DUSP29: variants seen among roughly 807,000 people sequenced by gnomAD.
The protein encoded by DUSP29 is dual specificity phosphatase 29, also known as atypical dual-specific protein phosphatase.
Under a neutral mutation model 13.5 loss-of-function variants are expected in DUSP29, and 12 were observed. That is an observed-to-expected ratio of 0.89 (90% confidence interval 0.57 to 1.44). The LOEUF is 1.44. Ranked by LOEUF, DUSP29 falls within the 40% of genes most tolerant of loss-of-function variation. DUSP29 has a pLI of 0.00. For missense variants in DUSP29, 308 were observed against 301.1 expected (o/e 1.02, Z -0.17); for synonymous variants, 134 against 128.7 (o/e 1.04, Z -0.28).
intron 1 of DUSP29, among the ~76,000 whole-genome samples, chr10:75,062,600 A>ACC (rs1418905219): frequency 6.6e-6 from 1 of 152,184 alleles, no homozygotes; most frequent in Non-Finnish European, 1.5e-5. Flanking sequence ...GAAAGAGAAC[A>ACC]AAGTGTGGAA....
intron 3 of DUSP29, 94 bp from the exon 4 acceptor site, chr10:75,038,171 G>T: frequency 1.3e-6 from 2 of 1,488,918 alleles, no homozygotes; most frequent in Non-Finnish European, 1.8e-6. Flanking sequence ...TCACCCTCTC[G>T]CCCACAGAAA....
At chr10:75,067,592 C>T (rs1422891286) in intron 1 of DUSP29, among the ~76,000 whole-genome samples, 2 of 152,120 alleles carry the variant, frequency 1.3e-5, no homozygotes, top group Admixed American at 6.6e-5. Context: ...AAAGCTTTAC[C>T]GTGTATGCCC....
At chr10:75,066,622 G>GA (rs943543455) in intron 1 of DUSP29, among the ~76,000 whole-genome samples, 1 of 151,884 alleles carries the variant, frequency 6.6e-6, no homozygotes, top group African/African-American at 2.4e-5. Flanking sequence ...CATATGGAGG[G>GA]AAAAAAACAA....
At chr10:75,055,237 T>C (rs1846932980) in intron 2 of DUSP29, among the ~76,000 whole-genome samples, 1 of 152,148 alleles carries the variant, frequency 6.6e-6, no homozygotes, top group Admixed American at 6.5e-5. Context: ...TTTTTGCTAC[T>C]TCAAACAGTG....
At chr10:75,039,685 C>G (rs941460100) in intron 3 of DUSP29, among the ~76,000 whole-genome samples, 1 of 152,326 alleles carries the variant, frequency 6.6e-6, no homozygotes, top group Non-Finnish European at 1.5e-5. Context: ...AGACTCCTTC[C>G]TTGCTTTCAG....
intron 3 of DUSP29, 74 bp downstream of exon 3, chr10:75,043,723 G>A (rs1471748001): frequency 7.6e-7 from 1 of 1,308,472 alleles, no homozygotes; most frequent in African/African-American, 1.8e-5. Flanking sequence ...AAGGGGCGGG[G>A]CCTAAGCTAC....
At chr10:75,043,277 T>A (rs1846623296) in intron 3 of DUSP29, among the ~76,000 whole-genome samples, 2 of 152,176 alleles carry the variant, frequency 1.3e-5, no homozygotes, top group Non-Finnish European at 2.9e-5. Context: ...CCCACTCAAG[T>A]CAGCTCCCTG....
chr10:75,052,300 CTTTTTTTT>C (rs751523419), intron 2 of DUSP29, among the ~76,000 whole-genome samples: 1 of 124,900 alleles, frequency 8.0e-6, no homozygotes, highest in Non-Finnish European at 1.7e-5. Flanking sequence ...CATTTGTCTA[CTTTTTTTT>C]TTTTTTTTTT....
chr10:75,066,990 C>T (rs1446155762), intron 1 of DUSP29, among the ~76,000 whole-genome samples: 1 of 140,120 alleles, frequency 7.1e-6, no homozygotes, highest in East Asian at 2.1e-4. Flanking sequence ...CAGAGTCTTA[C>T]TCTGTCGCTC....
rs200346015 is a variant in DUSP29 at position 75,043,778 on chromosome 10, G to T, written c.421+19C>A. The T allele has an allele frequency of 2.5e-6, 4 of 1,603,928 alleles. No homozygotes were observed. In the Admixed American group the frequency reaches 6.7e-5, roughly 27 times the overall value. ...GGGGCGGGGCGGGGCCGATCGGGGC[G>T]GGGCCGCGGGTCTCTTACTGTGGTC... On this transcript the variant is annotated intron_variant, in intron 3 of 3. Coordinates refer to ENST00000338487, the MANE Select transcript of DUSP29 (RefSeq NM_001003892.3).
At chr10:75,070,283 C>T (rs889076726) in intron 1 of DUSP29, among the ~76,000 whole-genome samples, 2 of 152,156 alleles carry the variant, frequency 1.3e-5, no homozygotes, top group Non-Finnish European at 2.9e-5. Context: ...TCCCAACCCA[C>T]CACAATAGAT....
At chr10:75,042,874 G>C (rs1011029224) in intron 3 of DUSP29, among the ~76,000 whole-genome samples, 3 of 152,252 alleles carry the variant, frequency 2.0e-5, no homozygotes, top group Admixed American at 1.3e-4. Flanking sequence ...ACATTGGGCT[G>C]AAGTCAGAGC....
chr10:75,049,553 C>A (rs946934149), intron 2 of DUSP29, among the ~76,000 whole-genome samples: 3 of 152,246 alleles, frequency 2.0e-5, no homozygotes, highest in Non-Finnish European at 4.4e-5. Flanking sequence ...CCAGCTATGC[C>A]TCAGTTGCCT....
intron 1 of DUSP29, among the ~76,000 whole-genome samples, chr10:75,071,536 G>A (rs761752539): frequency 6.6e-6 from 1 of 152,176 alleles, no homozygotes; most frequent in Non-Finnish European, 1.5e-5. Context: ...CCCAACCCAG[G>A]TGTCAGCCAT....
chr10:75,039,643 C>T (rs1040832497), intron 3 of DUSP29, among the ~76,000 whole-genome samples: 8 of 152,190 alleles, frequency 5.3e-5, no homozygotes, highest in African/African-American at 1.7e-4. Context: ...CACCACGCTC[C>T]GCCCCGCAGC....
At chr10:75,040,554 A>C (rs1449874222) in intron 3 of DUSP29, among the ~76,000 whole-genome samples, 1 of 152,214 alleles carries the variant, frequency 6.6e-6, no homozygotes, top group Non-Finnish European at 1.5e-5. Context: ...CAGTTTTTTC[A>C]GATCCTATAA....
chr10:75,041,440 C>T (rs935346753), intron 3 of DUSP29, among the ~76,000 whole-genome samples: 51 of 152,324 alleles, frequency 3.3e-4, no homozygotes, highest in African/African-American at 1.2e-3. Context: ...CTGACTCTCA[C>T]AAGACAAGCA....
At chr10:75,039,282 C>T (rs1365732414) in intron 3 of DUSP29, among the ~76,000 whole-genome samples, 7 of 152,270 alleles carry the variant, frequency 4.6e-5, no homozygotes, top group East Asian at 3.9e-4. Flanking sequence ...CTTGCAGGTC[C>T]TTATGTTCTC....
intron 1 of DUSP29, among the ~76,000 whole-genome samples, 181 bp downstream of exon 1, chr10:75,073,388 A>C (rs1249674833): frequency 6.6e-6 from 1 of 152,228 alleles, no homozygotes; most frequent in African/African-American, 2.4e-5. Flanking sequence ...GAAATGGAGA[A>C]AATTCCATGG....
Sources: gnomAD v4.1 joint callset for allele counts (sites outside exome capture counted in the v4.1 genomes callset) on GRCh38, gnomAD v4.1.1 for gene constraint, MANE v1.5 for transcripts, NCBI Gene and HGNC (gene_info 2026-07-23, HGNC 2026-07-21) for gene names.